The following USP4 variants were observed in gnomAD, a reference collection of about 807,000 sequenced individuals.
USP4 encodes the protein ubiquitin specific peptidase 4.
USP4 carries 72 observed loss-of-function variants against 118.2 expected under a neutral mutation model. The observed-to-expected ratio is 0.61, with a 90% confidence interval of 0.50 to 0.74. The LOEUF is 0.74. USP4 is among the 30% of genes least tolerant of loss of function. USP4 has a pLI of 0.00. For missense variants in USP4, 1,037 were observed against 1,185.7 expected (o/e 0.87, Z 1.84); for synonymous variants, 415 against 440.4 (o/e 0.94, Z 0.72).
intron 13 of USP4, among the ~76,000 whole-genome samples, chr3:49,297,267 C>G (rs1398862951): frequency 1.7e-4 from 26 of 152,136 alleles, no homozygotes; most frequent in Non-Finnish European, 3.5e-4. Flanking sequence ...CACCACTGTG[C>G]CTGGAAGAGG....
intron 8 of USP4, among the ~76,000 whole-genome samples, chr3:49,306,820 T>G (rs887768462): frequency 6.6e-6 from 1 of 152,040 alleles, no homozygotes; most frequent in Non-Finnish European, 1.5e-5. Context: ...GTTTTGCTCT[T>G]TTTGCCCAGG....
At position 49,277,309 on chromosome 3, in the gene USP4, C is replaced by T. The variant is rs1227418000; in HGVS notation, c.*984G>A. ...AATCCCGGACCCATACGTCCGGTTC[C>T]TTAAGGCCTTGCCCACACGCAGCGG... is the stretch of plus-strand genomic sequence containing the variant. On this transcript the variant is annotated 3_prime_UTR_variant, in exon 22 of 22. Transcript: ENST00000265560. The T allele has an allele frequency of 1.1e-5, 13 of 1,176,558 alleles. No individual in the cohort carries two copies. The highest frequency in any genetic ancestry group is 1.5e-5 in the Non-Finnish European group (13 of 892,848). 72.9% of individuals were successfully genotyped at this position (1,176,558 alleles called of 1,614,324 possible).
At chr3:49,286,816 C>CCCTATCTA (rs371837480) in intron 15 of USP4, among the ~76,000 whole-genome samples, 1 of 141,230 alleles carries the variant, frequency 7.1e-6, no homozygotes, top group Non-Finnish European at 1.5e-5. Flanking sequence ...ACTCTAGCCA[C>CCCTATCTA]TCTATCTATC....
At chr3:49,283,298 G>A (rs928606717) in intron 19 of USP4, among the ~76,000 whole-genome samples, 1 of 151,792 alleles carries the variant, frequency 6.6e-6, no homozygotes, top group African/African-American at 2.4e-5. Flanking sequence ...ACAAGCATGA[G>A]CCACCGTGCC....
At chr3:49,316,812 G>A in intron 6 of USP4, 1 of 519,900 alleles carries the variant, frequency 1.9e-6, no homozygotes, top group East Asian at 3.3e-5. Context: ...GACCTCCCTG[G>A]CAGCCCAGGA....
chr3:49,315,157 C>A (rs1485719912), intron 6 of USP4, among the ~76,000 whole-genome samples: 1 of 151,442 alleles, frequency 6.6e-6, no homozygotes, highest in Non-Finnish European at 1.5e-5. Flanking sequence ...TGCTTACAAT[C>A]CCAGCACTTT....
intron 20 of USP4, among the ~76,000 whole-genome samples, chr3:49,280,088 C>A (rs1406409237): frequency 6.6e-6 from 1 of 152,036 alleles, no homozygotes; most frequent in Non-Finnish European, 1.5e-5. Context: ...CATGCCAAAA[C>A]CCTGTCTCTA....
At chr3:49,306,268 T>A (rs952126987) in intron 8 of USP4, among the ~76,000 whole-genome samples, 1 of 150,996 alleles carries the variant, frequency 6.6e-6, no homozygotes, top group African/African-American at 2.4e-5. Context: ...AATGGTGCGA[T>A]CTTGGCTCAC....
At position 49,305,808 on chromosome 3, in the gene USP4, C is replaced by T. The variant is rs1287662663; in HGVS notation, c.1035G>A (p.Leu345=). Residue 345 remains leucine (L), a synonymous_variant, in exon 9 of 22, where the codon CTG becomes CTA. Transcript: ENST00000265560. The part of the protein sequence containing the change: ...YEAEINRDNP[L]GMKGEIAEAY... ...CTTCTGCAATTTCCCCTTTCATCCC[C>T]AGAGGGTTGTCTCTGTTGATTTCGG... 1 of 1,614,150 alleles carries T rather than the reference C, an allele frequency of 6.2e-7. No individual in the cohort carries two copies. The highest frequency in any genetic ancestry group is 1.7e-5 in the Admixed American group (1 of 60,002).
intron 10 of USP4, among the ~76,000 whole-genome samples, chr3:49,301,731 A>C (rs768700447): frequency 1.3e-5 from 2 of 152,132 alleles, no homozygotes; most frequent in South Asian, 4.1e-4. Flanking sequence ...GTTTTTATCT[A>C]TACTACAGCT....
chr3:49,311,611 A>C lies in USP4; in HGVS notation c.739T>G (p.Ser247Ala), dbSNP rs2107788289. 1 of 1,614,000 alleles carries C rather than the reference A, an allele frequency of 6.2e-7. No individual in the cohort carries two copies. The highest frequency in any genetic ancestry group is 2.2e-5 in the East Asian group (1 of 44,880). ...PSRNFTTSPK[S>A]SASPYSSVSA... ...ACTGAGGAATAGGGACTTGCTGATG[A>C]TTTTGGAGAGGTAGTAAAATTTCTG... is the stretch of plus-strand genomic sequence containing the variant. The change falls in exon 7 of 22, where the codon TCA becomes GCA. Residue 247 changes from serine (S) to alanine (A), a missense_variant. By Grantham distance (99) the Ser-to-Ala change is moderately conservative (BLOSUM62 1). Transcript: ENST00000265560.
chr3:49,320,634 G>C (rs992949512), intron 6 of USP4, among the ~76,000 whole-genome samples: 2 of 152,112 alleles, frequency 1.3e-5, no homozygotes, highest in African/African-American at 2.4e-5. Context: ...TTTAAAGTCT[G>C]ATCTGAGAGT....
chr3:49,301,979 A>G (rs1056764989), intron 10 of USP4, among the ~76,000 whole-genome samples: 2 of 152,216 alleles, frequency 1.3e-5, no homozygotes, highest in Non-Finnish European at 2.9e-5. Context: ...TACAGTTTTC[A>G]GAGTGTTCTT....
At chr3:49,295,782 G>A (rs1047070671) in intron 13 of USP4, among the ~76,000 whole-genome samples, 4 of 151,604 alleles carry the variant, frequency 2.6e-5, no homozygotes, top group African/African-American at 4.9e-5. Flanking sequence ...TGAAGTTTAT[G>A]AAGGAGGAAT....
At chr3:49,278,602 G>T in intron 21 of USP4, 151 bp from the exon 22 acceptor site, 1 of 1,023,180 alleles carries the variant, frequency 9.8e-7, no homozygotes, top group Non-Finnish European at 1.4e-6. Flanking sequence ...CTGCCAGGCA[G>T]CAGGAAATGG....
At chr3:49,331,717 A>G (rs1297806356) in intron 2 of USP4, among the ~76,000 whole-genome samples, 2 of 152,220 alleles carry the variant, frequency 1.3e-5, no homozygotes, top group East Asian at 3.8e-4. Context: ...GGGCACAGGC[A>G]GAGCAGATTT....
At chr3:49,301,043 G>A (rs925438644) in intron 10 of USP4, among the ~76,000 whole-genome samples, 15 of 152,032 alleles carry the variant, frequency 9.9e-5, no homozygotes, top group South Asian at 2.1e-4. Context: ...GACTCAAAGC[G>A]ATCTTCCTGC....
chr3:49,280,193 G>A (rs956690609), intron 20 of USP4, among the ~76,000 whole-genome samples: 2 of 151,908 alleles, frequency 1.3e-5, no homozygotes, highest in Non-Finnish European at 2.9e-5. Flanking sequence ...AACCCGGGAG[G>A]TGGAGGTTGC....
At chr3:49,293,742 T>C (rs1012474835) in intron 14 of USP4, 1 of 151,980 alleles carries the variant, frequency 6.6e-6, no homozygotes, top group African/African-American at 2.4e-5. Flanking sequence ...TCGAGTCTTA[T>C]GTGAAAGTCA....
Sources: gnomAD v4.1 joint callset for allele counts (sites outside exome capture counted in the v4.1 genomes callset) on GRCh38, gnomAD v4.1.1 for gene constraint, MANE v1.5 for transcripts, NCBI Gene and HGNC (gene_info 2026-07-23, HGNC 2026-07-21) for gene names.